The following PAPPA2 variants were observed in gnomAD, a reference collection of about 807,000 sequenced individuals.
PAPPA2 encodes pappalysin-2.
A neutral mutation model predicts 176.4 loss-of-function variants in PAPPA2; 86 were observed. The observed-to-expected ratio is 0.49, with a 90% confidence interval of 0.41 to 0.58. PAPPA2 has a LOEUF of 0.58. PAPPA2 is among the 20% of genes least tolerant of loss of function. The pLI is 0.00. For synonymous variants in PAPPA2, 809 were observed against 852.2 expected, an observed-to-expected ratio of 0.95 and a Z score of 0.88; for missense variants, 2,073 against 2,256.9, an observed-to-expected ratio of 0.92 and a Z score of 1.65.
intron 12 of PAPPA2, among the ~76,000 whole-genome samples, chr1:176,727,302 CAA>C (rs954024752): frequency 6.6e-6 from 1 of 151,852 alleles, no homozygotes; most frequent in African/African-American, 2.4e-5. Context: ...GAACCAGTTA[CAA>C]AACTGTTTAT....
intron 20 of PAPPA2, among the ~76,000 whole-genome samples, chr1:176,796,314 C>T (rs913020962): frequency 6.6e-6 from 1 of 152,152 alleles, no homozygotes; most frequent in African/African-American, 2.4e-5. Flanking sequence ...GTGCTATGGT[C>T]TAAATAAACA....
At chr1:176,466,450 C>T (rs1651624098) in intron 1 of PAPPA2, among the ~76,000 whole-genome samples, 1 of 152,072 alleles carries the variant, frequency 6.6e-6, no homozygotes, top group Admixed American at 6.6e-5. Context: ...TCAGGCCTCC[C>T]TGGGTCAAGT....
intron 14 of PAPPA2, among the ~76,000 whole-genome samples, chr1:176,750,753 G>A (rs558666390): frequency 6.6e-6 from 1 of 152,052 alleles, no homozygotes. Flanking sequence ...AATTGAGGAA[G>A]AGAAAATACA....
intron 21 of PAPPA2, among the ~76,000 whole-genome samples, chr1:176,829,125 GTATCAGA>G (rs1259561894): frequency 6.6e-6 from 1 of 152,162 alleles, no homozygotes; most frequent in Non-Finnish European, 1.5e-5. Flanking sequence ...GCTGGATGTG[GTATCAGA>G]ATGGGAAAAG....
rs1558479107 is a variant in PAPPA2 at position 176,623,627 on chromosome 1, T to TACTTTC, written c.1991+28032_1991+28033insACTTTC. On this transcript the variant is annotated intron_variant, in intron 3 of 22. Coordinates refer to ENST00000367662, the MANE Select transcript of PAPPA2 (RefSeq NM_020318.3). ...CCTTCCTTCCTTCCTTCCTTCCTTTTTTACTTTCTTTCTTTCTTTCTTTCT... is the reference window on the plus strand; with the variant it reads ...CCTTCCTTCCTTCCTTCCTTCCTTTTACTTTCTTACTTTCTTTCTTTCTTTCTTTCT... 5.0e-3 allele frequency among the ~76,000 whole-genome samples: 409 copies of TACTTTC among 81,872 alleles called. 1 individual carries two copies. The highest frequency in any genetic ancestry group is 7.2e-3 in the East Asian group (17 of 2,358). The allele number at this position is 81,872 out of a possible 152,430, so 53.7% of individuals were successfully genotyped here. A position where few individuals can be genotyped will look rare whatever the true frequency, so the allele number is the denominator to read the frequency against.
chr1:176,670,379 T>G (rs1658921569), intron 3 of PAPPA2, among the ~76,000 whole-genome samples: 1 of 152,090 alleles, frequency 6.6e-6, no homozygotes, highest in Non-Finnish European at 1.5e-5. Flanking sequence ...ATTAAGGGAG[T>G]ATAAAGAGAG....
At position 176,845,412 on chromosome 1, in the gene PAPPA2, A is replaced by G. The variant is rs922436409; in HGVS notation, c.*2958A>G. ...TCTCATCTTCTCTTTTTTCTATTAC[A>G]AGGCATTGAACTTGGCACTTCCTGT... On this transcript the variant is annotated 3_prime_UTR_variant, in exon 23 of 23. Coordinates refer to ENST00000367662, the MANE Select transcript of PAPPA2 (RefSeq NM_020318.3). 2.0e-5 allele frequency: 3 copies of G among 152,200 alleles called. No homozygotes were observed. The highest frequency in any genetic ancestry group is 6.5e-5 in the Admixed American group (1 of 15,272). 9.4% of individuals were successfully genotyped at this position (152,200 alleles called of 1,614,324 possible).
Position 176,702,686 on chromosome 1 carries a change from C to T in PAPPA2, c.3316C>T (p.Leu1106=), listed in dbSNP as rs1660705703. The change falls in exon 9 of 23, where the codon CTG becomes TTG. Residue 1106 remains leucine (L), a synonymous_variant. Transcript: ENST00000367662. ...AGAACTGGGAGAAGCTTCGCCTCCT[C>T]TGAACCACATTCATGGAGCTCCTTA... ...GGELGEASPP[L]NHIHGAPYCG... is the part of the protein sequence containing the mutation. The T allele has an allele frequency of 6.2e-7, 1 of 1,613,532 alleles. No homozygotes were observed. Among genetic ancestry groups the T allele is most frequent in the Non-Finnish European group, 8.5e-7 (1 of 1,179,824 alleles).
rs1275074329 is a variant in PAPPA2, at chr1:176,689,888, A to G, written c.2138-249A>G. Among the ~76,000 whole-genome samples, 4 of 152,162 alleles carry G rather than the reference A, an allele frequency of 2.6e-5. No homozygotes were observed. The East Asian group carries it at 7.7e-4, about 29-fold the overall frequency. ...GGGCTGAGAATTCTGGCTCTCTATT[A>G]TGTCAACATTGCTATCCTGGGCCTC... On this transcript the variant is annotated intron_variant, in intron 4 of 22. Coordinates refer to ENST00000367662, the MANE Select transcript of PAPPA2 (RefSeq NM_020318.3).
At chr1:176,806,525 T>G (rs949428193) in intron 21 of PAPPA2, among the ~76,000 whole-genome samples, 1 of 152,180 alleles carries the variant, frequency 6.6e-6, no homozygotes, top group Non-Finnish European at 1.5e-5. Context: ...ATGAGTGGAA[T>G]CAAAAGGCCT....
chr1:176,784,729 G>C (rs1163079197), intron 17 of PAPPA2, among the ~76,000 whole-genome samples: 2 of 152,026 alleles, frequency 1.3e-5, no homozygotes, highest in African/African-American at 4.8e-5. Context: ...TGGGACTACA[G>C]GTGCTTGCCA....
intron 4 of PAPPA2, among the ~76,000 whole-genome samples, chr1:176,673,723 A>G (rs768142604): frequency 5.9e-5 from 9 of 152,186 alleles, no homozygotes; most frequent in Non-Finnish European, 1.3e-4. Flanking sequence ...AAAATTATTT[A>G]TTTGAAGACA....
At chr1:176,758,177 A>G (rs2102896716) in intron 14 of PAPPA2, among the ~76,000 whole-genome samples, 1 of 152,372 alleles carries the variant, frequency 6.6e-6, no homozygotes, top group Non-Finnish European at 1.5e-5. Context: ...CCCTCAGATG[A>G]GAATCTTTAG....
In PAPPA2 at chr1:176,826,333, T is replaced by A. The variant is rs1223989459; in HGVS notation, c.5203-13840T>A. Among the ~76,000 whole-genome samples the A allele has an allele frequency of 2.0e-5, 3 of 152,320 alleles. No individual in the cohort carries two copies. The East Asian group carries it at 5.8e-4, about 29-fold the overall frequency. On this transcript the variant is annotated intron_variant, in intron 21 of 22. Coordinates refer to ENST00000367662, the MANE Select transcript of PAPPA2 (RefSeq NM_020318.3). ...AAGGAGATATGCCAATGAACTCTGC[T>A]TAGCAAGGATCAGAGACCAAGAAAA...
intron 20 of PAPPA2, among the ~76,000 whole-genome samples, chr1:176,798,301 CT>C (rs768689541): frequency 6.6e-6 from 1 of 152,126 alleles, no homozygotes; most frequent in African/African-American, 2.4e-5. Context: ...AGATTTTGAA[CT>C]CTTTAAGGGC....
intron 21 of PAPPA2, among the ~76,000 whole-genome samples, chr1:176,832,645 AC>A (rs1667122199): frequency 6.6e-6 from 1 of 152,050 alleles, no homozygotes; most frequent in Non-Finnish European, 1.5e-5. Context: ...GAGTCACTGC[AC>A]CCGGCCATAT....
At chr1:176,561,253 A>G (rs943671433) in intron 2 of PAPPA2, among the ~76,000 whole-genome samples, 7 of 152,248 alleles carry the variant, frequency 4.6e-5, no homozygotes, top group African/African-American at 1.7e-4. Flanking sequence ...AAGCTCCAAA[A>G]AATGAAAAAT....
chr1:176,802,903 C>T (rs896354999), intron 21 of PAPPA2, among the ~76,000 whole-genome samples: 1 of 152,198 alleles, frequency 6.6e-6, no homozygotes, highest in African/African-American at 2.4e-5. Flanking sequence ...TCTTTAAAAA[C>T]TCTTATCTAA....
intron 21 of PAPPA2, among the ~76,000 whole-genome samples, chr1:176,806,131 A>G (rs751249325): frequency 9.9e-5 from 15 of 152,132 alleles, no homozygotes; most frequent in Admixed American, 2.0e-4. Flanking sequence ...GGCCTTTTAA[A>G]GTTTGGGAGG....
Sources: allele counts gnomAD v4.1 joint callset (sites outside exome capture counted in the v4.1 genomes callset), GRCh38; gene constraint gnomAD v4.1.1; transcripts MANE v1.5; gene names NCBI Gene and HGNC (gene_info 2026-07-23, HGNC 2026-07-21).